RPN2: variants seen among roughly 807,000 people sequenced by gnomAD.
RPN2 encodes the protein ribophorin II.
A neutral mutation model predicts 71.4 loss-of-function variants in RPN2; 29 were observed. That is an observed-to-expected ratio of 0.41 (90% CI 0.30 to 0.55). RPN2 has a LOEUF of 0.55. Among genes scored for constraint, RPN2 ranks in the 20% least tolerant of loss-of-function variants. RPN2 has a pLI of 0.35. For synonymous variants in RPN2, 308 were observed against 305.0 expected (o/e 1.01, Z -0.10); for missense variants, 726 against 774.1 (o/e 0.94, Z 0.74).
chr20:37,187,634 T>G (rs2067039142), intron 2 of RPN2, among the ~76,000 whole-genome samples: 1 of 152,088 alleles, frequency 6.6e-6, no homozygotes, highest in Non-Finnish European at 1.5e-5. Flanking sequence ...TTTTATATTT[T>G]ATTTTGTTTT....
In RPN2 at chr20:37,193,341, G is replaced by A. The variant is rs149461571; in HGVS notation, c.208-5056G>A. Among the ~76,000 whole-genome samples the A allele has an allele frequency of 4.7e-3, 722 of 152,288 alleles. 7 individuals carry two copies. The highest frequency in any genetic ancestry group is 0.017 in the African/African-American group (686 of 41,558). On this transcript the variant is annotated intron_variant, in intron 2 of 16. Coordinates refer to ENST00000237530, the MANE Select transcript of RPN2 (RefSeq NM_002951.5). ...GGAGAGGAGGAGTTAACTGTGAGACGAAGGAGAGAAGGGACTTCAGGCAGA... is the reference window on the plus strand; with the variant it reads ...GGAGAGGAGGAGTTAACTGTGAGACAAAGGAGAGAAGGGACTTCAGGCAGA...
At chr20:37,210,528 CTTTTTT>C (rs10566074) in intron 8 of RPN2, among the ~76,000 whole-genome samples, 4 of 118,918 alleles carry the variant, frequency 3.4e-5, no homozygotes, top group Admixed American at 8.7e-5. Context: ...CTTTTGCTAA[CTTTTTT>C]TTTTTTTTTT....
intron 4 of RPN2, among the ~76,000 whole-genome samples, chr20:37,202,290 C>T (rs1019533799): frequency 2.0e-5 from 3 of 152,180 alleles, no homozygotes; most frequent in African/African-American, 7.2e-5. Flanking sequence ...GCAAGCATCC[C>T]ATAGGTGTCG....
At chr20:37,236,430 A>C in intron 15 of RPN2, 150 bp from the exon 16 acceptor site, 1 of 818,470 alleles carries the variant, frequency 1.2e-6, no homozygotes, top group Non-Finnish European at 2.0e-6. Context: ...TGAGTTAGCT[A>C]CTTTTTGGCA....
intron 9 of RPN2, among the ~76,000 whole-genome samples, chr20:37,218,878 A>G (rs1393211225): frequency 6.6e-6 from 1 of 152,230 alleles, no homozygotes; most frequent in Non-Finnish European, 1.5e-5. Flanking sequence ...TGGCAAAATA[A>G]TATTCCATTG....
At chr20:37,237,429 A>G (rs760595840) in intron 16 of RPN2, among the ~76,000 whole-genome samples, 18 of 152,222 alleles carry the variant, frequency 1.2e-4, no homozygotes, top group Non-Finnish European at 2.6e-4. Flanking sequence ...ACCTCTGGAA[A>G]TCGTTTTCAG....
intron 6 of RPN2, among the ~76,000 whole-genome samples, chr20:37,206,125 C>A (rs2067504665): frequency 6.6e-6 from 1 of 152,134 alleles, no homozygotes. Flanking sequence ...TTTTAAAAAA[C>A]AAAACTGATT....
At chr20:37,179,665 A>T in intron 1 of RPN2, 1 of 445,274 alleles carries the variant, frequency 2.2e-6, no homozygotes, top group African/African-American at 2.1e-5. Context: ...GGCCTCATTC[A>T]TTTCACTCGC....
intron 2 of RPN2, among the ~76,000 whole-genome samples, chr20:37,190,699 T>A (rs1440653580): frequency 1.3e-5 from 2 of 152,158 alleles, no homozygotes; most frequent in Admixed American, 1.3e-4. Flanking sequence ...TAACAAATAT[T>A]TGAACTGTAG....
At chr20:37,224,052 C>A in intron 10 of RPN2, 83 bp downstream of exon 10, 1 of 1,093,862 alleles carries the variant, frequency 9.1e-7, no homozygotes, top group Non-Finnish European at 1.4e-6. Flanking sequence ...GCCCTGCAGG[C>A]ATCAGTTCTG....
intron 16 of RPN2, among the ~76,000 whole-genome samples, chr20:37,239,037 C>T (rs1434682075): frequency 6.6e-6 from 1 of 152,154 alleles, no homozygotes; most frequent in Non-Finnish European, 1.5e-5. Context: ...AGTGAGATTC[C>T]ACTCATTCTC....
chr20:37,226,906 T>G (rs1385808951), intron 11 of RPN2, among the ~76,000 whole-genome samples: 2 of 152,196 alleles, frequency 1.3e-5, no homozygotes, highest in African/African-American at 2.4e-5. Context: ...GGGACCTAGT[T>G]TGGTATGGGG....
intron 2 of RPN2, among the ~76,000 whole-genome samples, chr20:37,188,230 G>A (rs2067057061): frequency 6.6e-6 from 1 of 152,066 alleles, no homozygotes; most frequent in African/African-American, 2.4e-5. Context: ...GTGCAGTGGC[G>A]CGATCTTGGC....
chr20:37,184,995 G>A (rs888694932), intron 2 of RPN2, among the ~76,000 whole-genome samples: 1 of 152,088 alleles, frequency 6.6e-6, no homozygotes, highest in African/African-American at 2.4e-5. Flanking sequence ...CCCTATGTGT[G>A]TGGCTAATAA....
chr20:37,184,331 C>G lies in RPN2; in HGVS notation c.165C>G (p.Ile55Met), dbSNP rs555164987. 3 of 1,614,200 alleles carry G rather than the reference C, an allele frequency of 1.9e-6. No homozygotes were observed. The highest frequency in any genetic ancestry group is 2.7e-5 in the African/African-American group (2 of 75,052). Residue 55 changes from isoleucine to methionine, a missense_variant, in exon 2 of 17, where the codon ATC (isoleucine) becomes ATG (methionine). Ile to Met is a conservative substitution (Grantham distance 10). Transcript: ENST00000237530. ...FTNLESAFYS[I>M]VGLSSLGAQV... ...ATTTGGAATCTGCCTTCTACTCCAT[C>G]GTGGGACTCAGCAGCCTTGGTGCTC...
chr20:37,183,180 T>C (rs2066923587), intron 1 of RPN2, among the ~76,000 whole-genome samples: 1 of 150,944 alleles, frequency 6.6e-6, no homozygotes, highest in Non-Finnish European at 1.5e-5. Flanking sequence ...GTAGCTAACA[T>C]TGATATAGCA....
At chr20:37,217,004 C>T (rs957912666) in intron 9 of RPN2, among the ~76,000 whole-genome samples, 1 of 151,204 alleles carries the variant, frequency 6.6e-6, no homozygotes, top group Non-Finnish European at 1.5e-5. Flanking sequence ...GATCATGGCT[C>T]ACTACAGCCT....
chr20:37,217,610 G>A (rs2067844239), intron 9 of RPN2, among the ~76,000 whole-genome samples: 1 of 151,690 alleles, frequency 6.6e-6, no homozygotes, highest in African/African-American at 2.4e-5. Context: ...TTTTTTCAGT[G>A]CTTGGTTTCC....
At chr20:37,195,123 C>T (rs970670663) in intron 2 of RPN2, among the ~76,000 whole-genome samples, 1 of 152,054 alleles carries the variant, frequency 6.6e-6, no homozygotes, top group Non-Finnish European at 1.5e-5. Flanking sequence ...AGTTTTCAGC[C>T]TTCAGTCGGG....
Sources: allele counts gnomAD v4.1 joint callset (sites outside exome capture counted in the v4.1 genomes callset), GRCh38; gene constraint gnomAD v4.1.1; transcripts MANE v1.5; gene names NCBI Gene and HGNC (gene_info 2026-07-23, HGNC 2026-07-21).